The following RBL2 variants were observed in gnomAD, a reference collection of about 807,000 sequenced individuals.
RBL2 encodes the protein retinoblastoma-like protein 2.
Under a neutral mutation model 126.0 loss-of-function variants are expected in RBL2, and 56 were observed. The ratio of observed to expected loss-of-function variants is 0.44; its 90% CI spans 0.36 to 0.56. The LOEUF (loss-of-function observed/expected upper bound fraction) is 0.56, where lower values mean the gene tolerates loss of function less well. Among genes scored for constraint, RBL2 ranks in the 20% least tolerant of loss-of-function variants. RBL2 has a pLI of 0.00. For missense variants in RBL2, 1,229 were observed against 1,398.2 expected (o/e 0.88, Z 1.93); for synonymous variants, 454 against 478.5 (o/e 0.95, Z 0.67).
At chr16:53,448,955 CCT>C (rs1215576137) in intron 4 of RBL2, 1 of 152,140 alleles carries the variant, frequency 6.6e-6, no homozygotes, top group Non-Finnish European at 1.5e-5. Flanking sequence ...TGTCCTGGTC[CCT>C]CTCTGGCTAA....
rs1357496827 is a variant in RBL2 at position 53,490,944 on chromosome 16, G to A, written c.*644G>A. The A allele has an allele frequency of 6.6e-6, 1 of 152,602 alleles. No individual in the cohort carries two copies. The highest frequency in any genetic ancestry group is 1.9e-4 in the East Asian group (1 of 5,194). 9.5% of individuals were successfully genotyped at this position (152,602 alleles called of 1,614,324 possible). A position where few individuals can be genotyped will look rare whatever the true frequency, so the allele number is the denominator to read the frequency against. On this transcript the variant is annotated 3_prime_UTR_variant, in exon 22 of 22. Coordinates refer to ENST00000262133, the MANE Select transcript of RBL2 (RefSeq NM_005611.4). ...CCTGTATAAGTGGAGGCACTTTAGG[G>A]CTGTAAAATGCATGATTTTGTAACC...
chr16:53,467,247 G>A, intron 14 of RBL2, 78 bp downstream of exon 14: 2 of 1,150,398 alleles, frequency 1.7e-6, no homozygotes, highest in Non-Finnish European at 2.6e-6. Flanking sequence ...TACAAGTGAA[G>A]TTAATAGGGT....
chr16:53,443,986 C>CGTGA (rs1465599667), intron 3 of RBL2, among the ~76,000 whole-genome samples: 2 of 152,210 alleles, frequency 1.3e-5, no homozygotes, highest in Admixed American at 6.5e-5. Context: ...GGTTGGCTCA[C>CGTGA]GCCTGTAATC....
chr16:53,454,983 A>G (rs2058153391), intron 8 of RBL2, 141 bp downstream of exon 8: 2 of 623,492 alleles, frequency 3.2e-6, no homozygotes, highest in African/African-American at 3.7e-5. Flanking sequence ...TCTTAATTGA[A>G]AAAGGTATCT....
At chr16:53,461,340 A>G (rs750463254) in intron 9 of RBL2, among the ~76,000 whole-genome samples, 6 of 152,178 alleles carry the variant, frequency 3.9e-5, no homozygotes, top group Non-Finnish European at 8.8e-5. Context: ...TGAAAATACA[A>G]AAATTAGCTG....
intron 17 of RBL2, among the ~76,000 whole-genome samples, chr16:53,474,553 T>C (rs983094966): frequency 5.9e-5 from 9 of 151,818 alleles, no homozygotes; most frequent in Non-Finnish European, 1.3e-4. Flanking sequence ...CAACCTCAGG[T>C]GATCCACCTG....
chr16:53,486,877 A>G (rs150565897), intron 21 of RBL2, among the ~76,000 whole-genome samples: 3,004 of 152,334 alleles, frequency 0.02, 45 homozygotes, highest in Middle Eastern at 0.048. Flanking sequence ...TTATGTGATC[A>G]ACATACAAAA....
chr16:53,488,220 T>G (rs1488384794), intron 21 of RBL2: 1 of 152,228 alleles, frequency 6.6e-6, no homozygotes, highest in African/African-American at 2.4e-5. Flanking sequence ...ACTGCTACTT[T>G]GCAATAAAAA....
chr16:53,448,279 C>T (rs2058082779), intron 4 of RBL2, among the ~76,000 whole-genome samples: 1 of 151,374 alleles, frequency 6.6e-6, no homozygotes, highest in African/African-American at 2.4e-5. Context: ...GCCTCAGCCT[C>T]CCGAGTAGCT....
intron 2 of RBL2, among the ~76,000 whole-genome samples, chr16:53,440,950 G>GTTT (rs1598087169): frequency 1.1e-5 from 1 of 94,016 alleles, no homozygotes; most frequent in Non-Finnish European, 2.2e-5. Context: ...TTATTTTTCA[G>GTTT]TTCTTTTTTT....
intron 16 of RBL2, 38 bp downstream of exon 16, chr16:53,470,701 G>GA: frequency 6.2e-7 from 1 of 1,612,440 alleles, no homozygotes; most frequent in Non-Finnish European, 8.5e-7. Context: ...ATGAGCTTGG[G>GA]AAATACAAGT....
intron 14 of RBL2, 129 bp from the exon 15 acceptor site, chr16:53,469,787 T>G: frequency 8.8e-7 from 1 of 1,136,904 alleles, no homozygotes. Context: ...ACTTCTGTAA[T>G]TCTTGTTTGC....
Position 53,435,487 on chromosome 16 carries a change from C to T in RBL2, c.240+691C>T, listed in dbSNP as rs942656144. The stretch of plus-strand genomic sequence containing the variant: ...ACAGGACTCCTGTTGTTGTTGCGAT[C>T]CGGGTGTGTTAGGTCGCAGCCTTCG... On this transcript the variant is annotated intron_variant, in intron 1 of 21. Transcript: ENST00000262133. 4 of 955,512 alleles carry T rather than the reference C, an allele frequency of 4.2e-6. No homozygotes were observed. The African/African-American group carries it at 6.9e-5, about 17-fold the overall frequency. The allele number at this position is 955,512 out of a possible 1,614,324, so 59.2% of individuals were successfully genotyped here.
At chr16:53,460,062 TG>T (rs2058205998) in intron 9 of RBL2, among the ~76,000 whole-genome samples, 1 of 152,204 alleles carries the variant, frequency 6.6e-6, no homozygotes, top group African/African-American at 2.4e-5. Context: ...CAAAAACCAC[TG>T]TAACTTTTGT....
chr16:53,479,841 T>C (rs1960872088), intron 18 of RBL2, 45 bp from the exon 19 acceptor site: 1 of 1,350,436 alleles, frequency 7.4e-7, no homozygotes, highest in Non-Finnish European at 1.0e-6. Context: ...AAGGGTGTGC[T>C]CAACAAATAC....
intron 14 of RBL2, among the ~76,000 whole-genome samples, chr16:53,467,395 A>AT (rs899137656): frequency 3.4e-4 from 51 of 151,996 alleles, no homozygotes; most frequent in Non-Finnish European, 6.6e-4. Context: ...TTATTTATTT[A>AT]TTTATTTATT....
intron 11 of RBL2, 104 bp from the exon 12 acceptor site, chr16:53,464,122 C>T (rs893054173): frequency 5.1e-6 from 5 of 984,272 alleles, no homozygotes; most frequent in South Asian, 5.1e-5. Context: ...TGCACTCACT[C>T]AGAAAATGAG....
At chr16:53,457,254 A>T (rs941353054) in intron 8 of RBL2, among the ~76,000 whole-genome samples, 7 of 80,754 alleles carry the variant, frequency 8.7e-5, no homozygotes, top group African/African-American at 5.6e-4. Context: ...GTGGGTACAG[A>T]TAGCTTTTTT....
At chr16:53,450,497 G>A (rs557743356) in intron 4 of RBL2, among the ~76,000 whole-genome samples, 2 of 152,230 alleles carry the variant, frequency 1.3e-5, no homozygotes, top group South Asian at 4.1e-4. Context: ...TACATGTGCA[G>A]TGTTTAACTA....
Sources: allele counts gnomAD v4.1 joint callset (sites outside exome capture counted in the v4.1 genomes callset), GRCh38; gene constraint gnomAD v4.1.1; transcripts MANE v1.5; gene names NCBI Gene and HGNC (gene_info 2026-07-23, HGNC 2026-07-21).